Variants in CAD observed in about 807,000 individuals in gnomAD.
The protein encoded by CAD is multifunctional protein CAD.
Under a neutral mutation model 237.2 loss-of-function variants are expected in CAD, and 81 were observed. The observed-to-expected ratio is 0.34, with a 90% CI of 0.29 to 0.41. CAD has a LOEUF of 0.41. Among genes scored for constraint, CAD ranks in the 10% least tolerant of loss-of-function variants. The pLI, the probability that CAD is intolerant of heterozygous loss-of-function variation, is 1.00. For synonymous variants in CAD, 1,196 were observed against 1,162.8 expected (o/e 1.03, Z -0.58); for missense variants, 2,181 against 2,951.7 (o/e 0.74, Z 6.05).
chr2:27,221,104 A>G lies in CAD; in HGVS notation c.223-114A>G, dbSNP rs542473276. On this transcript the variant is annotated intron_variant, in intron 2 of 43. Coordinates refer to ENST00000264705, the MANE Select transcript of CAD (RefSeq NM_004341.5). ...TATGCAAAAGCACCAAAAGTTTGGT[A>G]TATTGAAGGCCATTCAATGTGGCTG... 18 of 794,528 alleles carry G rather than the reference A, an allele frequency of 2.3e-5. No homozygotes were observed. In the South Asian group the frequency reaches 3.2e-4, roughly 14 times the overall value. The allele number at this position is 794,528 out of a possible 1,614,324, so 49.2% of individuals were successfully genotyped here. A position where few individuals can be genotyped will look rare whatever the true frequency, so the allele number is the denominator to read the frequency against.
rs922580752 is a variant in CAD at position 27,238,607 on chromosome 2, C to A, written c.5037C>A (p.Val1679=). ...AAGCCCTGTGGGAGAACATGGCTGT[C>A]ATCGACTGCTTTGCCTCAGACCATG... ...DVEALWENMA[V]IDCFASDHAP... is the part of the protein sequence containing the mutation. The change falls in exon 31 of 44, where the codon GTC becomes GTA. Residue 1679 remains valine (V), a synonymous_variant. Coordinates refer to ENST00000264705, the MANE Select transcript of CAD (RefSeq NM_004341.5). The A allele has an allele frequency of 1.2e-6, 2 of 1,612,860 alleles. No individual in the cohort carries two copies. The highest frequency in any genetic ancestry group is 1.3e-5 in the African/African-American group (1 of 74,922).
chr2:27,243,364 A>G (rs958196306), intron 43 of CAD, 52 bp from the exon 44 acceptor site: 1 of 1,597,530 alleles, frequency 6.3e-7, no homozygotes, highest in African/African-American at 1.4e-5. Flanking sequence ...TGGACAAGCC[A>G]TCCATGGGCT....
chr2:27,242,533 T>G lies in CAD; in HGVS notation c.6223-87T>G. ...ACAGCTGCATCAAGGAGGCCTTCAT[T>G]CTGCTCCAGAGGCTTTTAAAAGCTT... On this transcript the variant is annotated intron_variant, in intron 40 of 43. Coordinates refer to ENST00000264705, the MANE Select transcript of CAD (RefSeq NM_004341.5). This position sits in a 1 kb window ranked among gnomAD's most constrained non-coding sequence, Gnocchi z 6.4. 1.3e-6 allele frequency: 2 copies of G among 1,558,102 alleles called. No homozygotes were observed. Among genetic ancestry groups the G allele is most frequent in the South Asian group, 2.4e-5 (2 of 83,248 alleles).
Position 27,217,454 on chromosome 2 carries a change from G to A in CAD, c.-98G>A. On this transcript the variant is annotated 5_prime_UTR_variant, in exon 1 of 44. In the 5' UTR this introduces an upstream ATG that the reference lacks. Transcript: ENST00000264705. Reference sequence around the variant, plus strand: ...TCCAGCGCCCCGCGCCGTTAGCCACGTGGACCGACTCCGGCGCGCCGTCCT... The same window carrying A: ...TCCAGCGCCCCGCGCCGTTAGCCACATGGACCGACTCCGGCGCGCCGTCCT... 1 of 1,078,358 alleles carries A rather than the reference G, an allele frequency of 9.3e-7. No individual in the cohort carries two copies. The highest frequency in any genetic ancestry group is 2.6e-5 in the East Asian group (1 of 38,228). 66.8% of individuals were successfully genotyped at this position (1,078,358 alleles called of 1,614,324 possible). A position where few individuals can be genotyped will look rare whatever the true frequency, so the allele number is the denominator to read the frequency against.
At chr2:27,218,103 T>C (rs1022928846) in intron 2 of CAD, 87 bp downstream of exon 2, 19 of 1,192,542 alleles carry the variant, frequency 1.6e-5, no homozygotes, top group Middle Eastern at 2.0e-4. Flanking sequence ...GACACCCTGC[T>C]GGGCATCCTG....
intron 15 of CAD, among the ~76,000 whole-genome samples, chr2:27,229,021 C>T (rs187890665): frequency 6.7e-5 from 10 of 149,714 alleles, no homozygotes; most frequent in Admixed American, 6.0e-4. Flanking sequence ...CAGGTTCAAG[C>T]GATTCACCTG....
In CAD at chr2:27,235,982, G is replaced by A; in HGVS notation, c.4075-302G>A. The A allele has an allele frequency of 2.0e-6, 1 of 496,588 alleles. No homozygotes were observed. The highest frequency in any genetic ancestry group is 2.9e-5 in the South Asian group (1 of 34,484). 30.8% of individuals were successfully genotyped at this position (496,588 alleles called of 1,614,324 possible). A position where few individuals can be genotyped will look rare whatever the true frequency, so the allele number is the denominator to read the frequency against. On this transcript the variant is annotated intron_variant, in intron 25 of 43. Transcript: ENST00000264705. The surrounding 1 kb of genome is among the most constrained non-coding windows in gnomAD (Gnocchi z 5.2). ...AAGCAGAATACACAGGAAGCAAAGA[G>A]AAAAGTCTCTTAAAATCTCTGTACC...
At chr2:27,226,416 C>T in intron 13 of CAD, 97 bp downstream of exon 13, 1 of 1,542,632 alleles carries the variant, frequency 6.5e-7, no homozygotes, top group South Asian at 1.2e-5. Context: ...GCTTACAGTC[C>T]CTGGAGTACA....
chr2:27,233,398 G>C lies in CAD; in HGVS notation c.3078G>C (p.Ala1026=). 6.2e-7 allele frequency: 1 copy of C among 1,614,218 alleles called. No homozygotes were observed. Among genetic ancestry groups the C allele is most frequent in the Non-Finnish European group, 8.5e-7 (1 of 1,180,024 alleles). Residue 1026 remains alanine (A), a synonymous_variant, in exon 20 of 44, where the codon GCG becomes GCC. Transcript: ENST00000264705. This position sits in a 1 kb window ranked among gnomAD's most constrained non-coding sequence, Gnocchi z 6.3. ...GGQLPNNMAM[A]LHRQQCRVLG... is the part of the protein sequence containing the mutation. ...AGCTGCCCAACAACATGGCCATGGC[G>C]TTGCATCGGCAGCAGTGCCGGGTGC...
At position 27,241,669 on chromosome 2, in the gene CAD, G is replaced by A. The variant is rs1676324725; in HGVS notation, c.5884-242G>A. Among the ~76,000 whole-genome samples the A allele has an allele frequency of 6.6e-6, 1 of 152,234 alleles. No individual in the cohort carries two copies. The highest frequency in any genetic ancestry group is 1.5e-5 in the Non-Finnish European group (1 of 68,032). Reference sequence around the variant, plus strand: ...TGCAATCATGGGAGAGAGCTAGGGTGTGTCCTCCTTTCCCAGCTCGTTCAG... The same window carrying A: ...TGCAATCATGGGAGAGAGCTAGGGTATGTCCTCCTTTCCCAGCTCGTTCAG... On this transcript the variant is annotated intron_variant, in intron 38 of 43. Transcript: ENST00000264705. The surrounding 1 kb of genome is among the most constrained non-coding windows in gnomAD (Gnocchi z 4.6).
chr2:27,236,291 C>T lies in CAD; in HGVS notation c.4082C>T (p.Ala1361Val). 1 of 1,613,804 alleles carries T rather than the reference C, an allele frequency of 6.2e-7. No homozygotes were observed. The highest frequency in any genetic ancestry group is 8.5e-7 in the Non-Finnish European group (1 of 1,179,866). Reference protein sequence around the residue: ...FYTEHGVKVTAVDWHFEEAVD... With the variant: ...FYTEHGVKVTVVDWHFEEAVD... ...TTGACTCCGGGTTGGCAGGTAACAGCTGTGGACTGGCACTTTGAGGAGGCT... is the reference window on the plus strand; with the variant it reads ...TTGACTCCGGGTTGGCAGGTAACAGTTGTGGACTGGCACTTTGAGGAGGCT... Residue 1361 changes from alanine (A) to valine (V), a missense_variant, in exon 26 of 44, where the codon GCT (alanine) becomes GTT (valine). Ala to Val is a moderately conservative substitution (Grantham distance 64). Coordinates refer to ENST00000264705, the MANE Select transcript of CAD (RefSeq NM_004341.5). The surrounding 1 kb of genome is among the most constrained non-coding windows in gnomAD (Gnocchi z 4.1).
Position 27,241,959 on chromosome 2 carries a change from A to G in CAD, c.5932A>G (p.Ser1978Gly). ...CTATGAAGTGAGCACACGGACCAGC[A>G]GCTCCTTTGCAGCAGCCATGGCCCG... The part of the protein sequence containing the change: ...MFYEVSTRTS[S>G]SFAAAMARLG... The change falls in exon 39 of 44, where the codon AGC becomes GGC. Residue 1978 changes from serine to glycine, a missense_variant. By Grantham distance (56) the Ser-to-Gly change is moderately conservative (BLOSUM62 0). Coordinates refer to ENST00000264705, the MANE Select transcript of CAD (RefSeq NM_004341.5). The surrounding 1 kb of genome is among the most constrained non-coding windows in gnomAD (Gnocchi z 4.6). The G allele has an allele frequency of 1.2e-6, 2 of 1,613,730 alleles. No individual in the cohort carries two copies. The highest frequency in any genetic ancestry group is 2.2e-5 in the East Asian group (1 of 44,876).
In CAD at chr2:27,241,875, C is replaced by T. The variant is rs768296965; in HGVS notation, c.5884-36C>T. ...AGCTGGGGTTTCCCCAGGGTGGACA[C>T]GCATACGTACACCTTCCATCTTGCT... On this transcript the variant is annotated intron_variant, in intron 38 of 43. Coordinates refer to ENST00000264705, the MANE Select transcript of CAD (RefSeq NM_004341.5). This position sits in a 1 kb window ranked among gnomAD's most constrained non-coding sequence, Gnocchi z 4.6. The T allele has an allele frequency of 2.6e-6, 4 of 1,555,650 alleles. No homozygotes were observed. The highest frequency in any genetic ancestry group is 2.3e-5 in the East Asian group (1 of 44,214).
At chr2:27,223,145 G>A (rs749325899) in intron 6 of CAD, 108 bp downstream of exon 6, 5 of 1,209,276 alleles carry the variant, frequency 4.1e-6, no homozygotes, top group Non-Finnish European at 5.8e-6. Flanking sequence ...TAGGAGCGGG[G>A]GGGTTGCAGG....
rs747848574 is a variant in CAD at position 27,238,124 on chromosome 2, C to T, written c.4797C>T (p.Val1599=). Residue 1599 remains valine (V), a synonymous_variant, in exon 30 of 44, where the codon GTC becomes GTT. Coordinates refer to ENST00000264705, the MANE Select transcript of CAD (RefSeq NM_004341.5). ...AHAEQQTVAA[V]LMVAQLTQRS... ...CAGAGCAGCAAACCGTGGCTGCTGTCCTCATGGTGGCTCAGCTCACTCAGC... is the reference window on the plus strand; with the variant it reads ...CAGAGCAGCAAACCGTGGCTGCTGTTCTCATGGTGGCTCAGCTCACTCAGC... 25 of 1,614,084 alleles carry T rather than the reference C, an allele frequency of 1.5e-5. 1 individual carries two copies. In the South Asian group the frequency reaches 2.1e-4, roughly 13 times the overall value.
Position 27,235,378 on chromosome 2 carries a change from G to C in CAD, c.3920G>C (p.Gly1307Ala), listed in dbSNP as rs1288553637. ...EAYLKAMLST[G>A]FKIPKKNILL... ...TACCTCAAGGCCATGCTAAGCACTGGCTTTAAGATCCCCAAGAAGAATATC... is the reference window on the plus strand; with the variant it reads ...TACCTCAAGGCCATGCTAAGCACTGCCTTTAAGATCCCCAAGAAGAATATC... Residue 1307 changes from glycine (G) to alanine (A), a missense_variant, in exon 24 of 44, where the codon GGC (glycine) becomes GCC (alanine). Gly to Ala is a moderately conservative substitution (Grantham distance 60). Coordinates refer to ENST00000264705, the MANE Select transcript of CAD (RefSeq NM_004341.5). This position sits in a 1 kb window ranked among gnomAD's most constrained non-coding sequence, Gnocchi z 5.2. 1 of 1,613,712 alleles carries C rather than the reference G, an allele frequency of 6.2e-7. No individual in the cohort carries two copies. The highest frequency in any genetic ancestry group is 1.3e-5 in the African/African-American group (1 of 75,046).
Position 27,241,471 on chromosome 2 carries a change from G to T in CAD, c.5883+75G>T. 4 of 1,355,270 alleles carry T rather than the reference G, an allele frequency of 3.0e-6. No individual in the cohort carries two copies. Among genetic ancestry groups the T allele is most frequent in the Non-Finnish European group, 4.2e-6 (4 of 948,242 alleles). The allele number at this position is 1,355,270 out of a possible 1,614,324, so 84.0% of individuals were successfully genotyped here. ...CCGCATCAGCGCAGGGCCGCGCAGT[G>T]GTCAGAGTGGGTCTTCCTCCCCCTG... On this transcript the variant is annotated intron_variant, in intron 38 of 43. Coordinates refer to ENST00000264705, the MANE Select transcript of CAD (RefSeq NM_004341.5). The surrounding 1 kb of genome is among the most constrained non-coding windows in gnomAD (Gnocchi z 4.6).
Position 27,217,869 on chromosome 2 carries a change from T to C in CAD, c.83-8T>C, listed in dbSNP as rs1674948152. ...CTACCGGAGCCCAGCCCTGCTTCTTTCTTGCAGTGTTTCAAACCGGCATGG... is the reference window on the plus strand; with the variant it reads ...CTACCGGAGCCCAGCCCTGCTTCTTCCTTGCAGTGTTTCAAACCGGCATGG... On this transcript the variant is annotated splice_region_variant and splice_polypyrimidine_tract_variant and intron_variant, in intron 1 of 43. Coordinates refer to ENST00000264705, the MANE Select transcript of CAD (RefSeq NM_004341.5). 1 of 1,595,506 alleles carries C rather than the reference T, an allele frequency of 6.3e-7. No homozygotes were observed. The highest frequency in any genetic ancestry group is 8.5e-7 in the Non-Finnish European group (1 of 1,171,260).
intron 6 of CAD, 117 bp from the exon 7 acceptor site, chr2:27,223,446 A>T: frequency 3.2e-6 from 3 of 947,324 alleles, no homozygotes; most frequent in Admixed American, 5.1e-5. Flanking sequence ...AAAAAAAAAA[A>T]CAAAAAGGAA....
Sources: allele counts gnomAD v4.1 joint callset (sites outside exome capture counted in the v4.1 genomes callset), GRCh38; gene constraint gnomAD v4.1.1; non-coding constraint Gnocchi (gnomAD v3.1); transcripts MANE v1.5; gene names NCBI Gene and HGNC (gene_info 2026-07-23, HGNC 2026-07-21).